Variants in PLCG2 observed in about 807,000 individuals in gnomAD.
PLCG2 encodes 1-phosphatidylinositol 4,5-bisphosphate phosphodiesterase gamma-2.
A neutral mutation model predicts 175.6 loss-of-function variants in PLCG2; 69 were observed. The ratio of observed to expected loss-of-function variants is 0.39; its 90% CI spans 0.32 to 0.48. The LOEUF (loss-of-function observed/expected upper bound fraction) is 0.48. Among genes scored for constraint, PLCG2 ranks in the 20% least tolerant of loss-of-function variants. The probability of loss-of-function intolerance (pLI) is 0.91; values close to 1 mark genes in which losing one functional copy is unlikely to be tolerated. For synonymous variants in PLCG2, 827 were observed against 624.0 expected (o/e 1.33, Z -4.85); for missense variants, 1,798 against 1,650.9 (o/e 1.09, Z -1.54).
intron 2 of PLCG2, among the ~76,000 whole-genome samples, chr16:81,807,172 C>T (rs1390056699): frequency 6.6e-6 from 1 of 151,880 alleles, no homozygotes; most frequent in Non-Finnish European, 1.5e-5. Context: ...CGTGGTGATT[C>T]ATGTGGTGAT....
At chr16:81,948,890 T>C (rs965567202) in intron 31 of PLCG2, among the ~76,000 whole-genome samples, 7 of 152,198 alleles carry the variant, frequency 4.6e-5, no homozygotes, top group Non-Finnish European at 1.0e-4. Flanking sequence ...CTGGAATAGA[T>C]GGCTGGCAGT....
At chr16:81,890,440 C>G (rs933896647) in intron 10 of PLCG2, among the ~76,000 whole-genome samples, 1 of 152,174 alleles carries the variant, frequency 6.6e-6, no homozygotes, top group Non-Finnish European at 1.5e-5. Flanking sequence ...GTTTCACTGT[C>G]ATAATTTTCT....
chr16:81,838,335 C>A (rs1045799379), intron 2 of PLCG2, among the ~76,000 whole-genome samples: 1 of 152,214 alleles, frequency 6.6e-6, no homozygotes, highest in African/African-American at 2.4e-5. Context: ...GATCTGCCTG[C>A]CTTGGCCTCC....
At chr16:81,944,922 G>C (rs190555559) in intron 30 of PLCG2, among the ~76,000 whole-genome samples, 41 of 152,266 alleles carry the variant, frequency 2.7e-4, no homozygotes, top group African/African-American at 9.6e-4. Flanking sequence ...AGTAATCCTT[G>C]TAATTTTTTT....
intron 1 of PLCG2, among the ~76,000 whole-genome samples, chr16:81,751,697 A>T (rs1909815379): frequency 6.6e-6 from 1 of 152,196 alleles, no homozygotes; most frequent in South Asian, 2.1e-4. Context: ...CGTTGTATTC[A>T]TAGATCATAA....
rs528146225 is a variant in PLCG2 at position 81,893,495 on chromosome 16, C to A, written c.987-214C>A. Among the ~76,000 whole-genome samples the A allele has an allele frequency of 3.3e-5, 5 of 152,310 alleles. No homozygotes were observed. The South Asian group carries it at 1.0e-3, about 32-fold the overall frequency. ...CCAGGTGGTCAGCAGTCACTTCCTGCGATTGTGGCCTGACTTCAGAGCTCA... is the reference window on the plus strand; with the variant it reads ...CCAGGTGGTCAGCAGTCACTTCCTGAGATTGTGGCCTGACTTCAGAGCTCA... On this transcript the variant is annotated intron_variant, in intron 11 of 32. Coordinates refer to ENST00000564138, the MANE Select transcript of PLCG2 (RefSeq NM_002661.5).
intron 7 of PLCG2, among the ~76,000 whole-genome samples, chr16:81,878,225 C>G (rs2143558747): frequency 6.6e-6 from 1 of 152,026 alleles, no homozygotes; most frequent in South Asian, 2.1e-4. Context: ...ACCTAGTGAT[C>G]CGCCTGCCTC....
intron 2 of PLCG2, chr16:81,842,996 G>A (rs1463720485): frequency 6.8e-6 from 1 of 147,834 alleles, no homozygotes; most frequent in Non-Finnish European, 1.5e-5. Flanking sequence ...ATGGGTGGTG[G>A]GGGTGGGGTG....
At chr16:81,836,959 C>T (rs6564924) in intron 2 of PLCG2, among the ~76,000 whole-genome samples, 77,614 of 151,916 alleles carry the variant, frequency 0.51, 20,309 homozygotes, top group East Asian at 0.63. Flanking sequence ...CCTTCCCTTT[C>T]CTCCTGTTTG....
At chr16:81,880,758 G>A (rs1025022768) in intron 7 of PLCG2, 152 bp from the exon 8 acceptor site, 2 of 686,756 alleles carry the variant, frequency 2.9e-6, no homozygotes, top group Non-Finnish European at 5.0e-6. Flanking sequence ...TGTTATATTT[G>A]AATATTTACA....
Position 81,878,022 on chromosome 16 carries a change from C to T in PLCG2, c.649-2888C>T, listed in dbSNP as rs549534889. Among the ~76,000 whole-genome samples, 608 of 125,430 alleles carry T rather than the reference C, an allele frequency of 4.8e-3. 12 individuals carry two copies. Among genetic ancestry groups the T allele is most frequent in the African/African-American group, 0.017 (580 of 33,732 alleles). 82.3% of individuals were successfully genotyped at this position (125,430 alleles called of 152,430 possible). A position where few individuals can be genotyped will look rare whatever the true frequency, so the allele number is the denominator to read the frequency against. On this transcript the variant is annotated intron_variant, in intron 7 of 32. Coordinates refer to ENST00000564138, the MANE Select transcript of PLCG2 (RefSeq NM_002661.5). ...TTTGAGAGGGAGTCTCGCTCTGTCA[C>T]CCAGGCTGGAGTGTAGTGGCGCCAT...
Position 81,912,676 on chromosome 16 carries a change from C to A in PLCG2, c.2014C>A (p.Arg672=). The change falls in exon 19 of 33, where the codon CGG becomes AGG. Residue 672 remains arginine, a synonymous_variant. Transcript: ENST00000564138. Reference sequence around the variant, plus strand: ...TCCCCGGGACGGGGCCTTCCTGATCCGGAAGCGAGAGGGGAGCGACTCCTA... The same window carrying A: ...TCCCCGGGACGGGGCCTTCCTGATCAGGAAGCGAGAGGGGAGCGACTCCTA... ...RIPRDGAFLI[R]KREGSDSYAI... 6.2e-7 allele frequency: 1 copy of A among 1,612,288 alleles called. No individual in the cohort carries two copies. The highest frequency in any genetic ancestry group is 8.5e-7 in the Non-Finnish European group (1 of 1,179,266).
chr16:81,873,079 A>G (rs1373552231), intron 7 of PLCG2, among the ~76,000 whole-genome samples: 1 of 152,176 alleles, frequency 6.6e-6, no homozygotes, highest in African/African-American at 2.4e-5. Flanking sequence ...ATTTTTTCTC[A>G]TATATAATAA....
intron 10 of PLCG2, among the ~76,000 whole-genome samples, chr16:81,890,685 A>G (rs1908589251): frequency 6.6e-6 from 1 of 152,150 alleles, no homozygotes; most frequent in African/African-American, 2.4e-5. Context: ...GGAGCGACTG[A>G]CCCATATGAG....
chr16:81,850,711 A>T lies in PLCG2; in HGVS notation c.194-3733A>T, dbSNP rs371535095. Among the ~76,000 whole-genome samples the T allele has an allele frequency of 3.9e-5, 6 of 152,122 alleles. No homozygotes were observed. The East Asian group carries it at 9.6e-4, about 24-fold the overall frequency. The stretch of plus-strand genomic sequence containing the variant: ...ATATTTAAGCATGTAGAAGCGGGGA[A>T]CTTCTGGCACCTGCACAGTGTAACA... On this transcript the variant is annotated intron_variant, in intron 2 of 32. Transcript: ENST00000564138.
intron 2 of PLCG2, among the ~76,000 whole-genome samples, chr16:81,791,901 T>C (rs1911249362): frequency 6.6e-6 from 1 of 152,064 alleles, no homozygotes; most frequent in South Asian, 2.1e-4. Context: ...TACCATGTGG[T>C]GGTCTCAGGC....
At chr16:81,932,994 A>G (rs892840526) in intron 25 of PLCG2, among the ~76,000 whole-genome samples, 4 of 152,246 alleles carry the variant, frequency 2.6e-5, no homozygotes, top group South Asian at 4.1e-4. Context: ...AAAAATCTCC[A>G]AATAGTGCAC....
chr16:81,935,020 G>A (rs527329427), intron 26 of PLCG2, among the ~76,000 whole-genome samples: 77 of 152,230 alleles, frequency 5.1e-4, no homozygotes, highest in Non-Finnish European at 1.1e-3. Flanking sequence ...TTTGGGTGGG[G>A]ACACAGCCAA....
intron 14 of PLCG2, among the ~76,000 whole-genome samples, chr16:81,902,633 C>T (rs927170627): frequency 1.3e-5 from 2 of 152,038 alleles, no homozygotes; most frequent in African/African-American, 4.8e-5. Context: ...AGAGCTCTAC[C>T]CTCATTCCCA....
Sources: gnomAD v4.1 joint callset for allele counts (sites outside exome capture counted in the v4.1 genomes callset) on GRCh38, gnomAD v4.1.1 for gene constraint, MANE v1.5 for transcripts, NCBI Gene and HGNC (gene_info 2026-07-23, HGNC 2026-07-21) for gene names.